Variants in SERPINA10 observed in about 807,000 individuals in gnomAD.
The protein encoded by SERPINA10 is serpin family A member 10.
In SERPINA10, 24 loss-of-function variants were observed where a neutral mutation model predicts 28.0. That is an observed-to-expected ratio of 0.86 (90% CI 0.62 to 1.20). The LOEUF (loss-of-function observed/expected upper bound fraction) is 1.20. SERPINA10 is among the 50% of genes most tolerant of loss of function. The probability of loss-of-function intolerance (pLI) is 0.00; values close to 1 mark genes in which losing one functional copy is unlikely to be tolerated. For synonymous variants in SERPINA10, 207 were observed against 203.9 expected, an observed-to-expected ratio of 1.02 and a Z score of -0.13; for missense variants, 521 against 537.7, an observed-to-expected ratio of 0.97 and a Z score of 0.31.
chr14:94,286,083 G>T (rs745336270), intron 4 of SERPINA10, 25 bp downstream of exon 4: 81 of 1,613,570 alleles, frequency 5.0e-5, no homozygotes. Flanking sequence ...CTGAGGTTGG[G>T]CTCTGATGAA....
At chr14:94,288,677 T>A in intron 2 of SERPINA10, 118 bp from the exon 3 acceptor site, 2 of 1,376,314 alleles carry the variant, frequency 1.5e-6, no homozygotes, top group Non-Finnish European at 2.0e-6. Context: ...GTCTTCTCGT[T>A]CCAACTAGGA....
Position 94,280,864 on chromosome 14 carries a change from G to A in SERPINA10, c.*3101C>T, listed in dbSNP as rs1894880942. The A allele has an allele frequency of 6.6e-6, 1 of 152,122 alleles. No homozygotes were observed. The highest frequency in any genetic ancestry group is 2.4e-5 in the African/African-American group (1 of 41,440). 9.4% of individuals were successfully genotyped at this position (152,122 alleles called of 1,614,324 possible). On this transcript the variant is annotated 3_prime_UTR_variant, in exon 5 of 5. Transcript: ENST00000261994. ...AGAGGTTAAATAAGGAGCACATAAA[G>A]TTTTTCTTTATAACCTCTTACACAT... is the stretch of plus-strand genomic sequence containing the variant.
chr14:94,286,096 A>G lies in SERPINA10; in HGVS notation c.1143+12T>C, dbSNP rs1246612237. ...TGCTGAGGTTGGGCTCTGATGAAAG[A>G]TCCTGACTTACCCTGGATACTTGGA... On this transcript the variant is annotated intron_variant, in intron 4 of 4. Coordinates refer to ENST00000261994, the MANE Select transcript of SERPINA10 (RefSeq NM_001100607.3). 7 of 1,614,160 alleles carry G rather than the reference A, an allele frequency of 4.3e-6. No individual in the cohort carries two copies. The highest frequency in any genetic ancestry group is 5.9e-6 in the Non-Finnish European group (7 of 1,179,998).
At chr14:94,293,017 C>G (rs924099813) in intron 1 of SERPINA10, 172 bp downstream of exon 1, 2 of 301,386 alleles carry the variant, frequency 6.6e-6, no homozygotes, top group East Asian at 6.3e-5. Flanking sequence ...CCTCTTACCC[C>G]ACTCCAGCTC....
chr14:94,288,244 C>T, intron 3 of SERPINA10, 42 bp downstream of exon 3: 1 of 1,611,832 alleles, frequency 6.2e-7, no homozygotes, highest in East Asian at 2.2e-5. Context: ...TTTGCCAGTA[C>T]AGAAAGGTAG....
At chr14:94,291,873 G>A (rs1184755093) in intron 1 of SERPINA10, among the ~76,000 whole-genome samples, 3 of 152,220 alleles carry the variant, frequency 2.0e-5, no homozygotes, top group Non-Finnish European at 4.4e-5. Context: ...CCCCTTGCTC[G>A]GGCTGAATGG....
rs1894900129 is a variant in SERPINA10 at position 94,281,457 on chromosome 14, AC to A, written c.*2507del. 6.6e-6 allele frequency: 1 copy of A among 152,282 alleles called. No individual in the cohort carries two copies. The highest frequency in any genetic ancestry group is 2.4e-5 in the African/African-American group (1 of 41,398). 9.4% of individuals were successfully genotyped at this position (152,282 alleles called of 1,614,324 possible). On this transcript the variant is annotated 3_prime_UTR_variant, in exon 5 of 5. Coordinates refer to ENST00000261994, the MANE Select transcript of SERPINA10 (RefSeq NM_001100607.3). ...TCTCAAAACAAAAACAAAAACAAAA[AC>A]AAAAACTCGACACATATATAGTGAA...
At chr14:94,289,732 A>AT in intron 2 of SERPINA10, 144 bp downstream of exon 2, 1 of 898,548 alleles carries the variant, frequency 1.1e-6, no homozygotes, top group Non-Finnish European at 1.8e-6. Flanking sequence ...ACTGTTCAAT[A>AT]TGTGTATCAA....
In SERPINA10 at chr14:94,283,499, T is replaced by A. The variant is rs11441; in HGVS notation, c.*466A>T. Reference sequence around the variant, plus strand: ...TGAGTAGTGGGATGGAATCTTGCATTGTCCTGCTCTGTCCCACCCAGGATG... The same window carrying A: ...TGAGTAGTGGGATGGAATCTTGCATAGTCCTGCTCTGTCCCACCCAGGATG... On this transcript the variant is annotated 3_prime_UTR_variant, in exon 5 of 5. Transcript: ENST00000261994. The A allele has an allele frequency of 6.1e-6, 1 of 164,930 alleles. No homozygotes were observed. Among genetic ancestry groups the A allele is most frequent in the African/African-American group, 2.4e-5 (1 of 41,472 alleles). The allele number at this position is 164,930 out of a possible 1,614,324, so 10.2% of individuals were successfully genotyped here.
rs189663423 is a variant in SERPINA10 at position 94,286,037 on chromosome 14, G to T, written c.1143+71C>A. On this transcript the variant is annotated intron_variant, in intron 4 of 4. Coordinates refer to ENST00000261994, the MANE Select transcript of SERPINA10 (RefSeq NM_001100607.3). ...ATTAGGTATTTTATCAAAGTTAAAT[G>T]GTTTGTAAAAGCATTTGTTTTGGTG... 7.8e-4 allele frequency: 1,218 copies of T among 1,570,222 alleles called. 2 individuals carry two copies. The highest frequency in any genetic ancestry group is 9.7e-4 in the Non-Finnish European group (1,107 of 1,141,962).
Position 94,281,024 on chromosome 14 carries a change from G to A in SERPINA10, c.*2941C>T, listed in dbSNP as rs61397335. 2.8e-3 allele frequency: 431 copies of A among 152,274 alleles called. 2 individuals carry two copies. The highest frequency in any genetic ancestry group is 0.01 in the African/African-American group (418 of 41,542). The allele number at this position is 152,274 out of a possible 1,614,324, so 9.4% of individuals were successfully genotyped here. On this transcript the variant is annotated 3_prime_UTR_variant, in exon 5 of 5. Transcript: ENST00000261994. ...ATGAAACAGGCTCTTCAGCTGGAGT[G>A]GAAGTTTTACAATGAAGATAGAATG...
In SERPINA10 at chr14:94,286,272, A is replaced by C. The variant is rs1335870395; in HGVS notation, c.993-14T>G. Reference sequence around the variant, plus strand: ...ACTTCCATGTTTCTGTGGTACAAGAACAGATGATGGTGAAATGTAGACAAA... The same window carrying C: ...ACTTCCATGTTTCTGTGGTACAAGACCAGATGATGGTGAAATGTAGACAAA... On this transcript the variant is annotated splice_polypyrimidine_tract_variant and intron_variant, in intron 3 of 4. Transcript: ENST00000261994. 1 of 1,613,188 alleles carries C rather than the reference A, an allele frequency of 6.2e-7. No homozygotes were observed. The highest frequency in any genetic ancestry group is 1.3e-5 in the African/African-American group (1 of 75,052).
In SERPINA10 at chr14:94,290,846, C is replaced by G. The variant is rs74075983; in HGVS notation, c.-50-203G>C. Among the ~76,000 whole-genome samples, 464 of 152,308 alleles carry G rather than the reference C, an allele frequency of 3.0e-3. 2 individuals carry two copies. Among genetic ancestry groups the G allele is most frequent in the African/African-American group, 0.011 (447 of 41,576 alleles). On this transcript the variant is annotated intron_variant, in intron 1 of 4. Transcript: ENST00000261994. The stretch of plus-strand genomic sequence containing the variant: ...CACAGAGCAAAACCTCCTCCAGTTC[C>G]CATTCCCTGCCAGGCCGGCAGGCAG...
In SERPINA10 at chr14:94,288,460, C is replaced by T; in HGVS notation, c.818G>A (p.Gly273Asp). 2 of 1,614,084 alleles carry T rather than the reference C, an allele frequency of 1.2e-6. No individual in the cohort carries two copies. The highest frequency in any genetic ancestry group is 1.7e-6 in the Non-Finnish European group (2 of 1,180,022). ...TIKVPMMYGA[G>D]KFASTFDKNF... ...CTTGTCAAAGGTGGAGGCAAACTTG[C>T]CTGCACCGTACATCATGGGCACCTT... Residue 273 changes from glycine to aspartate, a missense_variant, in exon 3 of 5, where the codon GGC becomes GAC. Gly to Asp is a moderately conservative substitution (Grantham distance 94). Coordinates refer to ENST00000261994, the MANE Select transcript of SERPINA10 (RefSeq NM_001100607.3).
Position 94,290,334 on chromosome 14 carries a change from A to G in SERPINA10, c.260T>C (p.Leu87Pro), listed in dbSNP as rs775321518. The G allele has an allele frequency of 6.2e-7, 1 of 1,614,240 alleles. No homozygotes were observed. The highest frequency in any genetic ancestry group is 1.1e-5 in the South Asian group (1 of 91,090). ...KETSNFGFSL[L>P]RKISMRHDGN... ...ATCGTGCCTCATGGAGATCTTTCGC[A>G]GCAGGCTGAATCCGAAGTTTGAAGT... is the stretch of plus-strand genomic sequence containing the variant. Residue 87 changes from leucine (L) to proline (P), a missense_variant, in exon 2 of 5, where the codon CTG becomes CCG. Physicochemically the swap from Leu to Pro is moderately conservative, Grantham distance 98. Transcript: ENST00000261994.
Position 94,290,200 on chromosome 14 carries a change from C to A in SERPINA10, c.394G>T (p.Ala132Ser). ...AGCCCGGGCTTGGTGGGCTTCAGGG[C>A]CTGCAAGTGGAGCCCTCTCTTGATC... ...TQIKRGLHLQ[A>S]LKPTKPGLLP... The change falls in exon 2 of 5, where the codon GCC becomes TCC. Residue 132 changes from alanine (A) to serine (S), a missense_variant. By Grantham distance (99) the Ala-to-Ser change is moderately conservative. Coordinates refer to ENST00000261994, the MANE Select transcript of SERPINA10 (RefSeq NM_001100607.3). 1 of 1,613,738 alleles carries A rather than the reference C, an allele frequency of 6.2e-7. No individual in the cohort carries two copies. The highest frequency in any genetic ancestry group is 8.5e-7 in the Non-Finnish European group (1 of 1,179,756).
intron 3 of SERPINA10, among the ~76,000 whole-genome samples, chr14:94,286,824 ATTAAT>A (rs1341360756): frequency 2.0e-5 from 3 of 152,224 alleles, no homozygotes; most frequent in Admixed American, 6.5e-5. Flanking sequence ...TGTCTTGAAG[ATTAAT>A]TTAAAAAGTT....
At chr14:94,289,506 T>C (rs1895107440) in intron 2 of SERPINA10, among the ~76,000 whole-genome samples, 1 of 152,190 alleles carries the variant, frequency 6.6e-6, no homozygotes, top group African/African-American at 2.4e-5. Context: ...CTATTTTCTA[T>C]AATAGGAATC....
intron 2 of SERPINA10, among the ~76,000 whole-genome samples, chr14:94,288,970 C>G (rs56201169): frequency 0.25 from 37,657 of 152,146 alleles, 5,781 homozygotes; most frequent in East Asian, 0.59. Context: ...TCATTCACAC[C>G]AGGCACAAGC....
Sources: allele counts gnomAD v4.1 joint callset (sites outside exome capture counted in the v4.1 genomes callset), GRCh38; gene constraint gnomAD v4.1.1; transcripts MANE v1.5; gene names NCBI Gene and HGNC (gene_info 2026-07-23, HGNC 2026-07-21).